CPEB2: variants seen among roughly 807,000 people sequenced by gnomAD.
The protein encoded by CPEB2 is cytoplasmic polyadenylation element-binding protein 2.
A neutral mutation model predicts 93.6 loss-of-function variants in CPEB2; 56 were observed. That is an observed-to-expected ratio of 0.60 (90% CI 0.48 to 0.75). CPEB2 has a LOEUF of 0.75. CPEB2 is among the 30% of genes least tolerant of loss of function. The probability of loss-of-function intolerance (pLI) is 0.00; values close to 1 mark genes in which losing one functional copy is unlikely to be tolerated. For missense variants in CPEB2, 1,579 were observed against 1,395.1 expected, an observed-to-expected ratio of 1.13 and a Z score of -2.10; for synonymous variants, 764 against 586.3, an observed-to-expected ratio of 1.30 and a Z score of -4.38.
chr4:15,043,168 C>T (rs897636615), intron 6 of CPEB2, among the ~76,000 whole-genome samples: 1 of 152,188 alleles, frequency 6.6e-6, no homozygotes, highest in Non-Finnish European at 1.5e-5. Context: ...CACTTGACTA[C>T]AGTCAAATCA....
intron 11 of CPEB2, among the ~76,000 whole-genome samples, chr4:15,063,538 C>G (rs1729405168): frequency 6.6e-6 from 1 of 152,090 alleles, no homozygotes; most frequent in Non-Finnish European, 1.5e-5. Context: ...GTCCTACCCC[C>G]TGAGGTTCTG....
chr4:15,049,725 T>C (rs1728044873), intron 6 of CPEB2, among the ~76,000 whole-genome samples: 1 of 152,244 alleles, frequency 6.6e-6, no homozygotes, highest in Non-Finnish European at 1.5e-5. Context: ...TTCACAAAGT[T>C]ACTCAGTGAA....
rs947832440 is a variant in CPEB2, at chr4:15,002,797, G to A, written c.124G>A (p.Ala42Thr). 5.9e-6 allele frequency: 9 copies of A among 1,535,222 alleles called. No individual in the cohort carries two copies. In the East Asian group the frequency reaches 2.2e-4, roughly 38 times the overall value. ...AVGSVNPLPS[A>T]TPFGPLSPPP... The stretch of plus-strand genomic sequence containing the variant: ...GGGGTCCGTCAACCCGCTGCCCTCC[G>A]CCACGCCCTTCGGCCCACTGTCGCC... The change falls in exon 1 of 12, where the codon GCC (alanine) becomes ACC (threonine). Residue 42 changes from alanine (A) to threonine (T), a missense_variant. Physicochemically the swap from Ala to Thr is moderately conservative, Grantham distance 58 (BLOSUM62 0). This residue lies in a region of CPEB2 where 1,411 missense variants were observed against 1,056.0 expected (regional missense o/e 1.34). Coordinates refer to ENST00000538197, the MANE Select transcript of CPEB2 (RefSeq NM_001177382.2).
In CPEB2 at chr4:15,033,242, A is replaced by G. The variant is rs552694652; in HGVS notation, c.2176+31A>G. ...TTTTATAAAAACATTTTATGTTTCC[A>G]GTTGATTTATGTAAAGATGATTTAA... On this transcript the variant is annotated intron_variant, in intron 5 of 11. Transcript: ENST00000538197. The G allele has an allele frequency of 5.9e-5, 81 of 1,383,694 alleles. 1 individual carries two copies. The South Asian group carries it at 9.4e-4, about 16-fold the overall frequency. The allele number at this position is 1,383,694 out of a possible 1,614,324, so 85.7% of individuals were successfully genotyped here.
chr4:15,003,920 A>C lies in CPEB2; in HGVS notation c.1247A>C (p.Gln416Pro). 1 of 1,049,444 alleles carries C rather than the reference A, an allele frequency of 9.5e-7. No individual in the cohort carries two copies. Among genetic ancestry groups the C allele is most frequent in the Non-Finnish European group, 1.2e-6 (1 of 812,718 alleles). 65.0% of individuals were successfully genotyped at this position (1,049,444 alleles called of 1,614,324 possible). A position where few individuals can be genotyped will look rare whatever the true frequency, so the allele number is the denominator to read the frequency against. ...CCACCCCAGCAGCCGCCCCAGCCGCAGCCGCAGCCGCCCGGCTCGTCTGCC... is the reference window on the plus strand; with the variant it reads ...CCACCCCAGCAGCCGCCCCAGCCGCCGCCGCAGCCGCCCGGCTCGTCTGCC... ...PPPPQQPPQP[Q>P]PQPPGSSATT... Residue 416 changes from glutamine (Q) to proline (P), a missense_variant, in exon 1 of 12, where the codon CAG becomes CCG. This residue lies in a region of CPEB2 where 1,411 missense variants were observed against 1,056.0 expected (regional missense o/e 1.34). Transcript: ENST00000538197.
At chr4:15,033,423 G>A (rs1456280864) in intron 5 of CPEB2, among the ~76,000 whole-genome samples, 2 of 152,212 alleles carry the variant, frequency 1.3e-5, no homozygotes, top group Non-Finnish European at 2.9e-5. Context: ...CTTTAATTCA[G>A]TGATCACGGA....
chr4:15,002,641 G>C lies in CPEB2; in HGVS notation c.-33G>C. The C allele has an allele frequency of 6.8e-7, 1 of 1,467,260 alleles. No homozygotes were observed. The highest frequency in any genetic ancestry group is 9.0e-7 in the Non-Finnish European group (1 of 1,107,962). 90.9% of individuals were successfully genotyped at this position (1,467,260 alleles called of 1,614,324 possible). On this transcript the variant is annotated 5_prime_UTR_variant, in exon 1 of 12. Coordinates refer to ENST00000538197, the MANE Select transcript of CPEB2 (RefSeq NM_001177382.2). Reference sequence around the variant, plus strand: ...CTTCCTAGGTGGGGCAGGGGACGAGGAGCGTCTCCTCCCGCTGCCGGCGGC... The same window carrying C: ...CTTCCTAGGTGGGGCAGGGGACGAGCAGCGTCTCCTCCCGCTGCCGGCGGC...
At chr4:15,057,788 T>C (rs1485875079) in intron 8 of CPEB2, among the ~76,000 whole-genome samples, 1 of 152,202 alleles carries the variant, frequency 6.6e-6, no homozygotes, top group Admixed American at 6.5e-5. Flanking sequence ...ACCCATGTTT[T>C]ATTAAGGAAC....
chr4:15,003,729 C>A lies in CPEB2; in HGVS notation c.1056C>A (p.Gly352=). The A allele has an allele frequency of 8.3e-7, 1 of 1,209,192 alleles. No individual in the cohort carries two copies. The allele number at this position is 1,209,192 out of a possible 1,614,324, so 74.9% of individuals were successfully genotyped here. The change falls in exon 1 of 12, where the codon GGC becomes GGA. Residue 352 remains glycine, a synonymous_variant. Coordinates refer to ENST00000538197, the MANE Select transcript of CPEB2 (RefSeq NM_001177382.2). ...GCCCGGACCTTCCACACCCGGGCGG[C>A]GGCGGCGGCGGCGGGGGCGGGGGGC... ...LQSPDLPHPG[G]GGGGGGGGPP... is the part of the protein sequence containing the mutation.
At chr4:15,024,043 GT>G (rs1346940656) in intron 4 of CPEB2, among the ~76,000 whole-genome samples, 1 of 151,670 alleles carries the variant, frequency 6.6e-6, no homozygotes, top group Non-Finnish European at 1.5e-5. Flanking sequence ...ATCTTTTTTA[GT>G]TTATTTGCTT....
At chr4:15,042,829 A>G (rs759553406) in intron 6 of CPEB2, among the ~76,000 whole-genome samples, 1 of 152,178 alleles carries the variant, frequency 6.6e-6, no homozygotes, top group Non-Finnish European at 1.5e-5. Flanking sequence ...GCTAGGTATA[A>G]TAAACCTCAG....
chr4:15,050,133 C>G (rs1212113958), intron 6 of CPEB2, among the ~76,000 whole-genome samples: 4 of 152,178 alleles, frequency 2.6e-5, no homozygotes, highest in Non-Finnish European at 5.9e-5. Context: ...GGAACCAGGC[C>G]ACACAGCAGG....
At chr4:15,052,639 A>G (rs1326389895) in intron 7 of CPEB2, 55 bp downstream of exon 7, 3 of 1,207,182 alleles carry the variant, frequency 2.5e-6, no homozygotes, top group African/African-American at 3.1e-5. Flanking sequence ...AAAAACAAAA[A>G]GATATGAAAT....
In CPEB2 at chr4:15,019,139, G is replaced by A. The variant is rs970871941; in HGVS notation, c.2125+1861G>A. ...ACAAGTCTTCATATTTACACAAAAC[G>A]TGGAATATTTTATCTTCCACGTGTT... On this transcript the variant is annotated intron_variant, in intron 4 of 11. Coordinates refer to ENST00000538197, the MANE Select transcript of CPEB2 (RefSeq NM_001177382.2). Among the ~76,000 whole-genome samples, 3 of 150,728 alleles carry A rather than the reference G, an allele frequency of 2.0e-5. No homozygotes were observed. In the Admixed American group the frequency reaches 2.0e-4, roughly 10 times the overall value.
rs146570565 is a variant in CPEB2, at chr4:15,043,407, A to G, written c.2200+2920A>G. Reference sequence around the variant, plus strand: ...TCCCCTGGTAGCCATAAAGAGTTCTACTTTAGAGCTGCCTAGGGGGCAGCA... The same window carrying G: ...TCCCCTGGTAGCCATAAAGAGTTCTGCTTTAGAGCTGCCTAGGGGGCAGCA... On this transcript the variant is annotated intron_variant, in intron 6 of 11. Transcript: ENST00000538197. 2.9e-3 allele frequency among the ~76,000 whole-genome samples: 447 copies of G among 152,256 alleles called. 5 individuals carry two copies. The highest frequency in any genetic ancestry group is 0.011 in the African/African-American group (442 of 41,554).
At chr4:15,014,596 T>G (rs927711265) in intron 3 of CPEB2, among the ~76,000 whole-genome samples, 4 of 152,080 alleles carry the variant, frequency 2.6e-5, no homozygotes, top group African/African-American at 9.7e-5. Context: ...CCGTTGAGGA[T>G]TCTGAGAAAG....
rs1412157137 is a variant in CPEB2, at chr4:15,003,328, C to T, written c.655C>T (p.Leu219Phe). The change falls in exon 1 of 12, where the codon CTC (leucine) becomes TTC (phenylalanine). Residue 219 changes from leucine to phenylalanine, a missense_variant. This residue lies in a region of CPEB2 where 1,411 missense variants were observed against 1,056.0 expected (regional missense o/e 1.34). Coordinates refer to ENST00000538197, the MANE Select transcript of CPEB2 (RefSeq NM_001177382.2). ...GCCGCCGCCGCCAGCCGGCCCGCTC[C>T]TCCAGCCGGCGCAGCTCGCTCAGCG... ...SPPPPPAGPL[L>F]QPAQLAQRQQ... 3.5e-6 allele frequency: 5 copies of T among 1,411,270 alleles called. No individual in the cohort carries two copies. The highest frequency in any genetic ancestry group is 6.0e-5 in the East Asian group (2 of 33,380). The allele number at this position is 1,411,270 out of a possible 1,614,324, so 87.4% of individuals were successfully genotyped here. A position where few individuals can be genotyped will look rare whatever the true frequency, so the allele number is the denominator to read the frequency against.
intron 10 of CPEB2, among the ~76,000 whole-genome samples, chr4:15,059,625 T>G (rs1338141280): frequency 1.3e-5 from 2 of 152,316 alleles, no homozygotes; most frequent in Non-Finnish European, 2.9e-5. Context: ...GTCTGTTTAT[T>G]TTGTGTAGAT....
chr4:15,003,312 GCCAGCCGGCCCGCTCCT>G lies in CPEB2; in HGVS notation c.649_665del (p.Pro217AlafsTer105), dbSNP rs2108931347. The stretch of plus-strand genomic sequence containing the variant: ...CCGGTCGGTTCAGCCCGCCGCCGCC[GCCAGCCGGCCCGCTCCT>G]CCAGCCGGCGCAGCTCGCTCAGCGC... On this transcript the variant is annotated frameshift_variant, in exon 1 of 12. Coordinates refer to ENST00000538197, the MANE Select transcript of CPEB2 (RefSeq NM_001177382.2). LOFTEE classifies it high-confidence loss of function. 6 of 1,423,788 alleles carry G rather than the reference GCCAGCCGGCCCGCTCCT, an allele frequency of 4.2e-6. No individual in the cohort carries two copies. Among genetic ancestry groups the G allele is most frequent in the South Asian group, 1.5e-5 (1 of 65,168 alleles). The allele number at this position is 1,423,788 out of a possible 1,614,324, so 88.2% of individuals were successfully genotyped here.
Sources: gnomAD v4.1 joint callset for allele counts (sites outside exome capture counted in the v4.1 genomes callset) on GRCh38, gnomAD v4.1.1 for gene constraint, gnomAD v4.1.1 regional missense constraint, MANE v1.5 for transcripts, NCBI Gene and HGNC (gene_info 2026-07-23, HGNC 2026-07-21) for gene names.